The following IGSF11 variants were observed in gnomAD, a reference collection of about 807,000 sequenced individuals.
IGSF11 encodes the protein CXADR like 1.
Under a neutral mutation model 41.0 loss-of-function variants are expected in IGSF11, and 22 were observed. The observed-to-expected ratio is 0.54, with a 90% confidence interval of 0.38 to 0.77. IGSF11 has a LOEUF of 0.77. Ranked by LOEUF, IGSF11 falls within the 30% of genes least tolerant of loss-of-function variation. IGSF11 has a pLI of 0.00. For missense variants in IGSF11, 444 were observed against 530.8 expected, an observed-to-expected ratio of 0.84 and a Z score of 1.61; for synonymous variants, 219 against 201.3, an observed-to-expected ratio of 1.09 and a Z score of -0.74.
intron 1 of IGSF11, among the ~76,000 whole-genome samples, chr3:118,957,386 A>C (rs4611809): frequency 0.12 from 17,846 of 152,166 alleles, 1,753 homozygotes; most frequent in African/African-American, 0.26. Flanking sequence ...ATAAAATTAA[A>C]CAGAGTTAAT....
At chr3:118,989,301 C>G (rs1935553506) in intron 1 of IGSF11, among the ~76,000 whole-genome samples, 1 of 152,012 alleles carries the variant, frequency 6.6e-6, no homozygotes, top group Admixed American at 6.6e-5. Context: ...TGTTGATCCA[C>G]AAGAAGATGG....
In IGSF11 at chr3:118,928,490, G is replaced by C. The variant is rs202120115; in HGVS notation, c.424+19C>G. 221 of 1,601,786 alleles carry C rather than the reference G, an allele frequency of 1.4e-4. No individual in the cohort carries two copies. Among genetic ancestry groups the C allele is most frequent in the Admixed American group, 3.3e-4 (20 of 59,990 alleles). Reference sequence around the variant, plus strand: ...TCGTGAGTAAAGCCCGAACAGCCAAGGACTCTTGTGTCACTCACCTAACAC... The same window carrying C: ...TCGTGAGTAAAGCCCGAACAGCCAACGACTCTTGTGTCACTCACCTAACAC... On this transcript the variant is annotated intron_variant, in intron 3 of 6. Transcript: ENST00000393775.
rs151030433 is a variant in IGSF11 at position 119,051,587 on chromosome 3, A to G, written c.49+53557T>C. Among the ~76,000 whole-genome samples, 67 of 152,318 alleles carry G rather than the reference A, an allele frequency of 4.4e-4. 2 individuals are homozygous for G. The East Asian group carries it at 7.7e-3, about 18-fold the overall frequency. ...CAAGTTATCAAGACAGAAAGTCAAC[A>G]AAGAAACAATGGAATTAAACTATAC... is the stretch of plus-strand genomic sequence containing the variant. On this transcript the variant is annotated intron_variant, in intron 1 of 6. Transcript: ENST00000354673.
intron 1 of IGSF11, among the ~76,000 whole-genome samples, chr3:118,966,257 T>C (rs1384825076): frequency 1.3e-5 from 2 of 152,206 alleles, no homozygotes; most frequent in Non-Finnish European, 2.9e-5. Flanking sequence ...TATTGTGATC[T>C]TCACAAATGC....
Position 118,901,963 on chromosome 3 carries a change from T to C in IGSF11, c.*557A>G, listed in dbSNP as rs1284956483. 1.3e-5 allele frequency: 2 copies of C among 152,262 alleles called. No homozygotes were observed. Among genetic ancestry groups the C allele is most frequent in the Non-Finnish European group, 2.9e-5 (2 of 68,114 alleles). 9.4% of individuals were successfully genotyped at this position (152,262 alleles called of 1,614,324 possible). The stretch of plus-strand genomic sequence containing the variant: ...GACGTTTCCTTTGTCTTCCCCCATT[T>C]CTTACTGAATTTTGCTCATGTAAAA... On this transcript the variant is annotated 3_prime_UTR_variant, in exon 7 of 7. Coordinates refer to ENST00000393775, the MANE Select transcript of IGSF11 (RefSeq NM_001015887.3).
intron 1 of IGSF11, among the ~76,000 whole-genome samples, chr3:119,135,478 G>A (rs1227041384): frequency 2.6e-5 from 4 of 152,148 alleles, no homozygotes; most frequent in African/African-American, 9.7e-5. Flanking sequence ...ATCATCACTG[G>A]TCATCAGAGA....
chr3:119,093,405 G>GTT lies in IGSF11; in HGVS notation c.49+11737_49+11738dup, dbSNP rs11352194. 0.015 allele frequency among the ~76,000 whole-genome samples: 2,138 copies of GTT among 147,266 alleles called. 81 individuals are homozygous for GTT. In the East Asian group the frequency reaches 0.16, roughly 11 times the overall value. On this transcript the variant is annotated intron_variant, in intron 1 of 6. Transcript: ENST00000354673. Reference sequence around the variant, plus strand: ...TTACACACATGGGCTTCTGAGACCCGTTTTTTTTTTTTTAAACCTGACCGT... The same window carrying GTT: ...TTACACACATGGGCTTCTGAGACCCGTTTTTTTTTTTTTTTAAACCTGACCGT...
At chr3:119,110,611 G>A (rs2077136623) in intron 1 of IGSF11, among the ~76,000 whole-genome samples, 1 of 152,164 alleles carries the variant, frequency 6.6e-6, no homozygotes, top group Non-Finnish European at 1.5e-5. Context: ...ATATTGTTAT[G>A]TGTGAATTTG....
At chr3:118,963,510 G>A (rs962292022) in intron 1 of IGSF11, among the ~76,000 whole-genome samples, 5 of 152,138 alleles carry the variant, frequency 3.3e-5, no homozygotes, top group Non-Finnish European at 7.4e-5. Flanking sequence ...AGGTGCTATA[G>A]CCCTAGGGGA....
intron 1 of IGSF11, chr3:118,948,054 A>C (rs756071631): frequency 1.4e-4 from 22 of 151,992 alleles, no homozygotes; most frequent in Admixed American, 1.3e-3. Context: ...CAGCAATTCT[A>C]TCCCGTGTAT....
upstream of IGSF11, among the ~76,000 whole-genome samples, chr3:119,035,526 A>T (rs1940855550): frequency 6.6e-6 from 1 of 152,196 alleles, no homozygotes; most frequent in African/African-American, 2.4e-5. Context: ...TTTCCAGCTT[A>T]AACGTTAGTG....
intron 1 of IGSF11, among the ~76,000 whole-genome samples, chr3:118,996,811 G>C (rs1936315375): frequency 6.6e-6 from 1 of 152,016 alleles, no homozygotes; most frequent in East Asian, 1.9e-4. Flanking sequence ...GTGTAAGCCA[G>C]GGTGATCTCG....
At position 118,902,638 on chromosome 3, in the gene IGSF11, C is replaced by A. The variant is rs1375575475; in HGVS notation, c.1178G>T (p.Ser393Ile). The A allele has an allele frequency of 1.4e-5, 23 of 1,613,970 alleles. No individual in the cohort carries two copies. Among genetic ancestry groups the A allele is most frequent in the Non-Finnish European group, 1.9e-5 (23 of 1,179,980 alleles). The change falls in exon 7 of 7, where the codon AGT becomes ATT. Residue 393 changes from serine to isoleucine, a missense_variant. By Grantham distance (142) the Ser-to-Ile change is moderately radical. Around this residue, in one of 3 missense-constraint regions of IGSF11, gnomAD observed 223 missense variants for 226.2 expected, o/e 0.99. Transcript: ENST00000393775. ...AGTGTGTGGAGGCCGAGGCTTCCTACTGACTGAGCCATTGCTCCTGGACAT... is the reference window on the plus strand; with the variant it reads ...AGTGTGTGGAGGCCGAGGCTTCCTAATGACTGAGCCATTGCTCCTGGACAT... ...QVMSRSNGSVSRKPRPPHTHS... is the reference protein window; with the variant it reads ...QVMSRSNGSVIRKPRPPHTHS...
intron 1 of IGSF11, among the ~76,000 whole-genome samples, chr3:119,047,604 C>A (rs1181388717): frequency 1.3e-5 from 2 of 152,150 alleles, no homozygotes; most frequent in Non-Finnish European, 2.9e-5. Context: ...AGAAAGTCAA[C>A]AAGGATACCC....
chr3:118,902,825 T>G lies in IGSF11; in HGVS notation c.991A>C (p.Asn331His). 1 of 1,614,184 alleles carries G rather than the reference T, an allele frequency of 6.2e-7. No individual in the cohort carries two copies. The highest frequency in any genetic ancestry group is 8.5e-7 in the Non-Finnish European group (1 of 1,180,012). ...YWSNNPKVHRNTESVSHFSDL... is the reference protein window; with the variant it reads ...YWSNNPKVHRHTESVSHFSDL... ...CTGAAGTGGCTGACTGACTCTGTGTTTCTATGAACTTTTGGATTGTTGCTC... is the reference window on the plus strand; with the variant it reads ...CTGAAGTGGCTGACTGACTCTGTGTGTCTATGAACTTTTGGATTGTTGCTC... Residue 331 changes from asparagine to histidine, a missense_variant, in exon 7 of 7, where the codon AAC becomes CAC. Coordinates refer to ENST00000393775, the MANE Select transcript of IGSF11 (RefSeq NM_001015887.3).
intron 1 of IGSF11, among the ~76,000 whole-genome samples, chr3:118,939,198 A>G (rs1943496573): frequency 6.6e-6 from 1 of 152,254 alleles, no homozygotes; most frequent in Admixed American, 6.5e-5. Flanking sequence ...AGAAATTTTT[A>G]AATAATTAAA....
intron 1 of IGSF11, among the ~76,000 whole-genome samples, chr3:119,022,211 T>C (rs35863): frequency 0.59 from 89,375 of 152,014 alleles, 26,402 homozygotes; most frequent in South Asian, 0.66. Flanking sequence ...TCTACTTATA[T>C]GAGGTATCTG....
chr3:119,017,039 C>CCAAAAAAAA (rs1553713302), intron 1 of IGSF11, among the ~76,000 whole-genome samples: 2 of 88,336 alleles, frequency 2.3e-5, no homozygotes, highest in African/African-American at 3.7e-5. Flanking sequence ...GGACGCAGGA[C>CCAAAAAAAA]AAAAAAAAAA....
At chr3:119,064,862 A>G (rs1044185247) in intron 1 of IGSF11, among the ~76,000 whole-genome samples, 2 of 152,044 alleles carry the variant, frequency 1.3e-5, no homozygotes, top group African/African-American at 4.8e-5. Context: ...TATACATCTA[A>G]CTTATTTCCA....
Sources: gnomAD v4.1 joint callset for allele counts (sites outside exome capture counted in the v4.1 genomes callset) on GRCh38, gnomAD v4.1.1 for gene constraint, gnomAD v4.1.1 regional missense constraint, MANE v1.5 for transcripts, NCBI Gene and HGNC (gene_info 2026-07-23, HGNC 2026-07-21) for gene names.